Variants in RNF13 observed in about 807,000 individuals in gnomAD.
The protein encoded by RNF13 is E3 ubiquitin-protein ligase RNF13.
RNF13 carries 19 observed loss-of-function variants against 37.7 expected under a neutral mutation model. The observed-to-expected ratio is 0.50, with a 90% CI of 0.35 to 0.74. The LOEUF (loss-of-function observed/expected upper bound fraction) is 0.74, where lower values mean the gene tolerates loss of function less well. Among genes scored for constraint, RNF13 ranks in the 30% least tolerant of loss-of-function variants. The pLI is 0.01. For missense variants in RNF13, 375 were observed against 453.0 expected, an observed-to-expected ratio of 0.83 and a Z score of 1.56; for synonymous variants, 144 against 157.8, an observed-to-expected ratio of 0.91 and a Z score of 0.65.
chr3:149,931,689 GT>G (rs1378422744), intron 8 of RNF13, among the ~76,000 whole-genome samples: 4 of 152,158 alleles, frequency 2.6e-5, no homozygotes, highest in Non-Finnish European at 4.4e-5. Flanking sequence ...TCATTTTTGT[GT>G]GTGTGTTGGG....
At chr3:149,881,650 T>C (rs1713421357) in intron 4 of RNF13, among the ~76,000 whole-genome samples, 1 of 152,176 alleles carries the variant, frequency 6.6e-6, no homozygotes, top group African/African-American at 2.4e-5. Flanking sequence ...TCTTTAATAA[T>C]TTAAGTTCCA....
intron 4 of RNF13, among the ~76,000 whole-genome samples, chr3:149,876,944 A>G (rs1712780483): frequency 6.6e-6 from 1 of 151,336 alleles, no homozygotes; most frequent in Admixed American, 6.6e-5. Context: ...ACGCCCCACT[A>G]ATTTTTTGTG....
chr3:149,937,225 T>A (rs1719781937), intron 8 of RNF13, among the ~76,000 whole-genome samples: 1 of 152,128 alleles, frequency 6.6e-6, no homozygotes, highest in Non-Finnish European at 1.5e-5. Flanking sequence ...TAGCAATGCT[T>A]CCTGTGGGTT....
chr3:149,895,181 T>C (rs1016480303), intron 4 of RNF13: 8 of 248,126 alleles, frequency 3.2e-5, no homozygotes, highest in Admixed American at 5.3e-5. Context: ...GTCATTCTCA[T>C]TTCAGAGGTT....
In RNF13 at chr3:149,837,420, A is replaced by G. The variant is rs921374525; in HGVS notation, c.-16-8591A>G. Among the ~76,000 whole-genome samples the G allele has an allele frequency of 2.6e-5, 4 of 152,118 alleles. No homozygotes were observed. In the East Asian group the frequency reaches 7.7e-4, roughly 29 times the overall value. On this transcript the variant is annotated intron_variant, in intron 1 of 9. Transcript: ENST00000392894. Reference sequence around the variant, plus strand: ...CAAATAAGGACTTTTTCATACAGCTATTGTATTAGTCCTTTTTCACACTGC... The same window carrying G: ...CAAATAAGGACTTTTTCATACAGCTGTTGTATTAGTCCTTTTTCACACTGC...
At chr3:149,813,012 T>A (rs1719053705), upstream of RNF13, 1 of 152,436 alleles carries the variant, frequency 6.6e-6, no homozygotes, top group Admixed American at 6.5e-5. Context: ...TGCCCCACCC[T>A]GCTCTTCCCT....
At chr3:149,927,489 TG>T (rs1187335891) in intron 8 of RNF13, among the ~76,000 whole-genome samples, 1 of 152,234 alleles carries the variant, frequency 6.6e-6, no homozygotes, top group Non-Finnish European at 1.5e-5. Context: ...TCAATTATTT[TG>T]GGTATATACC....
intron 8 of RNF13, among the ~76,000 whole-genome samples, chr3:149,953,934 A>C (rs1356683910): frequency 1.3e-5 from 2 of 152,222 alleles, no homozygotes; most frequent in Admixed American, 1.3e-4. Context: ...TCTTAAATAA[A>C]AATCATAAAA....
chr3:149,816,183 ATACATCATGCCTGTCTTATCCCCATTT>A (rs375636652), intron 1 of RNF13, among the ~76,000 whole-genome samples: 2 of 151,766 alleles, frequency 1.3e-5, no homozygotes, highest in African/African-American at 4.8e-5. Context: ...TACAGGTGTG[ATACATCATGCCTGTCTTATCCCCATTT>A]TCTAAGTGGG....
intron 5 of RNF13, among the ~76,000 whole-genome samples, chr3:149,895,921 C>T (rs1335828884): frequency 6.6e-6 from 1 of 152,164 alleles, no homozygotes; most frequent in Admixed American, 6.5e-5. Flanking sequence ...CACTAAGTAG[C>T]TGCTATAATC....
Position 149,944,537 on chromosome 3 carries a change from G to T in RNF13, c.701-15519G>T, listed in dbSNP as rs530118221. ...AACTGGTGTGAGATGGTATCTCATT[G>T]TGGCATTTCTCTGATGGCCAGTGAT... On this transcript the variant is annotated intron_variant, in intron 8 of 9. Transcript: ENST00000392894. 4.6e-5 allele frequency among the ~76,000 whole-genome samples: 7 copies of T among 151,706 alleles called. No homozygotes were observed. In the East Asian group the frequency reaches 1.4e-3, roughly 29 times the overall value.
intron 2 of RNF13, among the ~76,000 whole-genome samples, chr3:149,847,658 C>CT (rs1351192344): frequency 6.6e-6 from 1 of 152,132 alleles, no homozygotes; most frequent in African/African-American, 2.4e-5. Flanking sequence ...CCTTTAAAGA[C>CT]TGAGTCCATT....
At chr3:149,944,015 A>G (rs1223208831) in intron 8 of RNF13, among the ~76,000 whole-genome samples, 1 of 151,310 alleles carries the variant, frequency 6.6e-6, no homozygotes, top group Admixed American at 6.6e-5. Flanking sequence ...CCTACGTCCC[A>G]GTGTTCTCAT....
At chr3:149,864,500 C>T (rs1316786389) in intron 3 of RNF13, among the ~76,000 whole-genome samples, 1 of 152,080 alleles carries the variant, frequency 6.6e-6, no homozygotes, top group African/African-American at 2.4e-5. Flanking sequence ...AAGACAGTAA[C>T]GTATCAATTA....
chr3:149,932,243 T>C (rs948077979), intron 8 of RNF13, among the ~76,000 whole-genome samples: 4 of 152,112 alleles, frequency 2.6e-5, no homozygotes, highest in Non-Finnish European at 5.9e-5. Context: ...CATTTTTACT[T>C]TTTTGAGGAA....
intron 8 of RNF13, among the ~76,000 whole-genome samples, chr3:149,959,600 T>C (rs1257620079): frequency 1.3e-5 from 2 of 152,180 alleles, no homozygotes; most frequent in Non-Finnish European, 2.9e-5. Flanking sequence ...ACCACAGAAT[T>C]TGGTAAATGC....
At chr3:149,842,715 A>T (rs1722295529) in intron 1 of RNF13, among the ~76,000 whole-genome samples, 1 of 152,250 alleles carries the variant, frequency 6.6e-6, no homozygotes, top group African/African-American at 2.4e-5. Flanking sequence ...TGTTCAGCCC[A>T]TTAAAGAATA....
In RNF13 at chr3:149,955,570, T is replaced by G. The variant is rs1721784167; in HGVS notation, c.701-4486T>G. Among the ~76,000 whole-genome samples, 3 of 152,280 alleles carry G rather than the reference T, an allele frequency of 2.0e-5. No individual in the cohort carries two copies. The South Asian group carries it at 6.2e-4, about 32-fold the overall frequency. On this transcript the variant is annotated intron_variant, in intron 8 of 9. Transcript: ENST00000392894. ...CTGCTATTCATACCAAACACACTTTTGGACTACAGGGCAATTAAAAAGAAT... is the reference window on the plus strand; with the variant it reads ...CTGCTATTCATACCAAACACACTTTGGGACTACAGGGCAATTAAAAAGAAT...
rs374146530 is a variant in RNF13, at chr3:149,890,961, GT to G, written c.322-4509del. Among the ~76,000 whole-genome samples the G allele has an allele frequency of 2.9e-3, 442 of 152,154 alleles. 1 individual carries two copies. Among genetic ancestry groups the G allele is most frequent in the African/African-American group, 9.6e-3 (400 of 41,506 alleles). On this transcript the variant is annotated intron_variant, in intron 4 of 9. Transcript: ENST00000392894. ...ATTTCTTCTTGGCTTGTGTTGTTTT[GT>G]TTATAGGTTTTATTTTGCCCACAAG...
Sources: gnomAD v4.1 joint callset for allele counts (sites outside exome capture counted in the v4.1 genomes callset) on GRCh38, gnomAD v4.1.1 for gene constraint, MANE v1.5 for transcripts, NCBI Gene and HGNC (gene_info 2026-07-23, HGNC 2026-07-21) for gene names.